TG: variants seen among roughly 807,000 people sequenced by gnomAD.
The protein encoded by TG is thyroglobulin.
Under a neutral mutation model 324.7 loss-of-function variants are expected in TG, and 270 were observed. The ratio of observed to expected loss-of-function variants is 0.83; its 90% CI spans 0.75 to 0.92. TG has a LOEUF of 0.92. TG is among the 40% of genes least tolerant of loss of function. The probability of loss-of-function intolerance (pLI) is 0.00; values close to 1 mark genes in which losing one functional copy is unlikely to be tolerated. For missense variants in TG, 3,591 were observed against 3,456.4 expected, an observed-to-expected ratio of 1.04 and a Z score of -0.98; for synonymous variants, 1,401 against 1,327.0, an observed-to-expected ratio of 1.06 and a Z score of -1.21.
At chr8:132,893,544 AG>A (rs1289879353) in intron 10 of TG, 145 bp from the exon 11 acceptor site, 89 of 812,424 alleles carry the variant, frequency 1.1e-4, no homozygotes, top group South Asian at 6.0e-4. Flanking sequence ...TGTGTGGTGT[AG>A]GGGGGTGGTG....
intron 20 of TG, among the ~76,000 whole-genome samples, chr8:132,918,787 G>A (rs1356413730): frequency 1.3e-5 from 2 of 152,116 alleles, no homozygotes; most frequent in African/African-American, 4.8e-5. Flanking sequence ...TAAGAAAAAC[G>A]GATTAAAATA....
Position 132,881,889 on chromosome 8 carries a change from G to A in TG, c.665G>A (p.Ser222Asn), listed in dbSNP as rs1814693797. The A allele has an allele frequency of 1.2e-6, 2 of 1,614,058 alleles. No homozygotes were observed. The highest frequency in any genetic ancestry group is 1.7e-6 in the Non-Finnish European group (2 of 1,179,896). Residue 222 changes from serine to asparagine, a missense_variant, in exon 6 of 48, where the codon AGT becomes AAT. Physicochemically the swap from Ser to Asn is conservative, Grantham distance 46. Transcript: ENST00000220616. ...NRFPDAFVTF[S>N]SFQRRFPEVS... ...TTTCCAGATGCATTTGTGACCTTCA[G>A]TTCCTTCCAGAGGAGGTTCCCTGAG... is the stretch of plus-strand genomic sequence containing the variant.
chr8:132,911,948 GGA>G, intron 19 of TG, among the ~76,000 whole-genome samples: 1 of 152,322 alleles, frequency 6.6e-6, no homozygotes, highest in East Asian at 1.9e-4. Flanking sequence ...AGTCAACAGA[GGA>G]GAGAGAGAAG....
At chr8:133,092,225 C>T (rs1847669368) in intron 41 of TG, among the ~76,000 whole-genome samples, 1 of 152,222 alleles carries the variant, frequency 6.6e-6, no homozygotes, top group Admixed American at 6.5e-5. Context: ...GATATGTGTG[C>T]TTGGCCAGGC....
chr8:133,113,417 T>TC lies in TG; in HGVS notation c.7573-4dup. 4 of 1,614,026 alleles carry TC rather than the reference T, an allele frequency of 2.5e-6. No individual in the cohort carries two copies. Among genetic ancestry groups the TC allele is most frequent in the Non-Finnish European group, 3.4e-6 (4 of 1,179,986 alleles). On this transcript the variant is annotated splice_polypyrimidine_tract_variant and splice_region_variant and intron_variant, in intron 43 of 47. Coordinates refer to ENST00000220616, the MANE Select transcript of TG (RefSeq NM_003235.5). Reference sequence around the variant, plus strand: ...GAGGAATTTCGTATCTTTTTTTTTTTCTAGCAATTTGAGGAAAGTCGAGGC... The same window carrying TC: ...GAGGAATTTCGTATCTTTTTTTTTTTCCTAGCAATTTGAGGAAAGTCGAGGC...
In TG at chr8:132,913,227, T is replaced by A. The variant is rs200116338; in HGVS notation, c.4340T>A (p.Val1447Asp). ...GGGTGCTCGGAAGGATTCTACCAAG[T>A]CTTGACAAGTGAGGCCAGTCAGGAC... ...WFGCSEGFYQ[V>D]LTSEASQDGL... The change falls in exon 20 of 48, where the codon GTC (valine) becomes GAC (aspartate). Residue 1447 changes from valine (V) to aspartate (D), a missense_variant. Transcript: ENST00000220616. 216 of 1,614,094 alleles carry A rather than the reference T, an allele frequency of 1.3e-4. No individual in the cohort carries two copies. The highest frequency in any genetic ancestry group is 1.7e-4 in the Non-Finnish European group (201 of 1,180,002).
At chr8:132,947,809 A>T (rs1011471377) in intron 26 of TG, among the ~76,000 whole-genome samples, 2 of 152,228 alleles carry the variant, frequency 1.3e-5, no homozygotes, top group African/African-American at 4.8e-5. Context: ...TATAAGAATT[A>T]AGGGAATTAA....
Position 132,973,724 on chromosome 8 carries a change from G to A in TG, c.6199+983G>A, listed in dbSNP as rs1306441583. 3.9e-5 allele frequency among the ~76,000 whole-genome samples: 6 copies of A among 152,294 alleles called. No homozygotes were observed. The East Asian group carries it at 9.7e-4, about 25-fold the overall frequency. On this transcript the variant is annotated intron_variant, in intron 34 of 47. Coordinates refer to ENST00000220616, the MANE Select transcript of TG (RefSeq NM_003235.5). ...TGGAAACTAGACATCTTCATCCTGT[G>A]TCCCAGAAGCAAATTCACAAAGATG...
At chr8:132,886,357 G>C in intron 8 of TG, 91 bp from the exon 9 acceptor site, 1 of 1,545,984 alleles carries the variant, frequency 6.5e-7, no homozygotes, top group Non-Finnish European at 8.9e-7. Flanking sequence ...TGAATGTTCT[G>C]GCTTCTTACT....
At chr8:133,100,376 T>G (rs1744892574) in intron 43 of TG, among the ~76,000 whole-genome samples, 1 of 152,210 alleles carries the variant, frequency 6.6e-6, no homozygotes, top group Non-Finnish European at 1.5e-5. Flanking sequence ...GTCTGTTGTC[T>G]TTCTTCCCCA....
intron 40 of TG, among the ~76,000 whole-genome samples, chr8:133,029,052 C>G (rs1289714402): frequency 6.6e-6 from 1 of 152,076 alleles, no homozygotes; most frequent in Non-Finnish European, 1.5e-5. Flanking sequence ...ATGGGAACCT[C>G]AGATGAGACA....
chr8:132,959,785 T>C (rs1827487070), intron 27 of TG, among the ~76,000 whole-genome samples: 1 of 152,230 alleles, frequency 6.6e-6, no homozygotes, highest in Non-Finnish European at 1.5e-5. Context: ...CTGTGAGTTT[T>C]AAATTGGGTA....
chr8:132,938,276 A>G (rs1823899684), intron 25 of TG, among the ~76,000 whole-genome samples: 1 of 152,146 alleles, frequency 6.6e-6, no homozygotes, highest in South Asian at 2.1e-4. Flanking sequence ...CCAGAGCTTG[A>G]TCTGTCACCC....
intron 37 of TG, among the ~76,000 whole-genome samples, chr8:133,015,896 C>T (rs1165987025): frequency 1.2e-4 from 19 of 152,214 alleles, no homozygotes. Context: ...GTCTTTGCGA[C>T]AGAGAAGGCT....
intron 35 of TG, chr8:133,002,239 G>A (rs1833586102): frequency 1.0e-5 from 10 of 985,338 alleles, no homozygotes; most frequent in Non-Finnish European, 1.2e-5. Flanking sequence ...CTGCCAGCAA[G>A]CGGCAGACCT....
intron 24 of TG, 87 bp downstream of exon 24, chr8:132,933,763 C>T (rs570023506): frequency 2.4e-5 from 30 of 1,227,038 alleles, no homozygotes; most frequent in Non-Finnish European, 3.5e-5. Flanking sequence ...GCTGGCCAGG[C>T]GATGGAATGA....
chr8:132,925,552 T>TGTGTGTGTGTGTG (rs60544202), intron 22 of TG, among the ~76,000 whole-genome samples: 10 of 151,468 alleles, frequency 6.6e-5, no homozygotes, highest in African/African-American at 9.7e-5. Flanking sequence ...TGTGTGTGTG[T>TGTGTGTGTGTGTG]TCTTGAATAA....
intron 45 of TG, among the ~76,000 whole-genome samples, chr8:133,126,156 T>C (rs2130336906): frequency 6.6e-6 from 1 of 152,358 alleles, no homozygotes; most frequent in African/African-American, 2.4e-5. Context: ...GCCATTCTTT[T>C]GGTGCAGGAT....
intron 41 of TG, among the ~76,000 whole-genome samples, chr8:133,086,874 T>C (rs1588048893): frequency 6.6e-6 from 1 of 152,334 alleles, no homozygotes; most frequent in Admixed American, 6.5e-5. Context: ...TCATATTTCA[T>C]TGCCTGCAGG....
Sources: allele counts gnomAD v4.1 joint callset (sites outside exome capture counted in the v4.1 genomes callset), GRCh38; gene constraint gnomAD v4.1.1; transcripts MANE v1.5; gene names NCBI Gene and HGNC (gene_info 2026-07-23, HGNC 2026-07-21).